Variants in CNTN5 observed in about 807,000 individuals in gnomAD.
CNTN5 encodes the protein contactin 5.
A neutral mutation model predicts 129.1 loss-of-function variants in CNTN5; 77 were observed. The ratio of observed to expected loss-of-function variants is 0.60; its 90% CI spans 0.50 to 0.72. CNTN5 has a LOEUF of 0.72. CNTN5 is among the 30% of genes least tolerant of loss of function. The pLI is 0.00. For synonymous variants in CNTN5, 509 were observed against 465.6 expected, an observed-to-expected ratio of 1.09 and a Z score of -1.20; for missense variants, 1,478 against 1,328.8, an observed-to-expected ratio of 1.11 and a Z score of -1.75.
chr11:99,894,248 G>A (rs970754340), intron 6 of CNTN5, among the ~76,000 whole-genome samples: 1 of 151,926 alleles, frequency 6.6e-6, no homozygotes, highest in Non-Finnish European at 1.5e-5. Context: ...TGTTTATGAT[G>A]CAAATGATCT....
chr11:99,114,388 C>A (rs1857942895), intron 1 of CNTN5, among the ~76,000 whole-genome samples: 1 of 151,674 alleles, frequency 6.6e-6, no homozygotes, highest in Admixed American at 6.6e-5. Flanking sequence ...GCTCAGAGGT[C>A]TTCTTCTTCT....
intron 1 of CNTN5, among the ~76,000 whole-genome samples, chr11:99,097,169 T>C (rs1258211369): frequency 6.6e-6 from 1 of 151,966 alleles, no homozygotes; most frequent in Non-Finnish European, 1.5e-5. Flanking sequence ...TATCCTTTTA[T>C]CCAAATGTCA....
At chr11:99,766,039 T>C (rs2135306102) in intron 3 of CNTN5, among the ~76,000 whole-genome samples, 1 of 152,166 alleles carries the variant, frequency 6.6e-6, no homozygotes, top group East Asian at 1.9e-4. Context: ...AGAACATGAA[T>C]ATTTTCTCTG....
intron 1 of CNTN5, among the ~76,000 whole-genome samples, chr11:99,105,222 A>C (rs1866939099): frequency 6.6e-6 from 1 of 152,064 alleles, no homozygotes; most frequent in Non-Finnish European, 1.5e-5. Flanking sequence ...GATAACTGAG[A>C]TAATTCTAGT....
chr11:99,701,897 T>C (rs1370373967), intron 3 of CNTN5, among the ~76,000 whole-genome samples: 3 of 151,028 alleles, frequency 2.0e-5, no homozygotes, highest in African/African-American at 7.3e-5. Context: ...GCTATTTTAC[T>C]CCTAATTTCT....
At chr11:100,289,337 G>T (rs1383983052) in intron 18 of CNTN5, among the ~76,000 whole-genome samples, 1 of 152,096 alleles carries the variant, frequency 6.6e-6, no homozygotes, top group Non-Finnish European at 1.5e-5. Context: ...TATCCTTGAT[G>T]AACATTGATA....
chr11:99,728,233 C>T (rs1056812086), intron 3 of CNTN5, among the ~76,000 whole-genome samples: 1 of 152,024 alleles, frequency 6.6e-6, no homozygotes, highest in Non-Finnish European at 1.5e-5. Flanking sequence ...ACAGAGAAGG[C>T]ATAGATATTG....
Position 99,941,565 on chromosome 11 carries a change from A to G in CNTN5, c.674-15241A>G, listed in dbSNP as rs192593666. 9.4e-5 allele frequency among the ~76,000 whole-genome samples: 6 copies of G among 63,946 alleles called. No homozygotes were observed. In the East Asian group the frequency reaches 2.3e-3, roughly 25 times the overall value. The allele number at this position is 63,946 out of a possible 152,430, so 42.0% of individuals were successfully genotyped here. A position where few individuals can be genotyped will look rare whatever the true frequency, so the allele number is the denominator to read the frequency against. ...AGATAAGTAATAGAGGTAAATACAT[A>G]AGACAAACACACACACACACAAAGA... On this transcript the variant is annotated intron_variant, in intron 7 of 24. Transcript: ENST00000524871.
At chr11:99,801,916 T>C (rs1276641466) in intron 3 of CNTN5, among the ~76,000 whole-genome samples, 4 of 152,218 alleles carry the variant, frequency 2.6e-5, no homozygotes, top group East Asian at 1.9e-4. Context: ...TTACCTGTCC[T>C]TGGCATGTGA....
chr11:99,772,004 A>C (rs1944963138), intron 3 of CNTN5, among the ~76,000 whole-genome samples: 1 of 151,854 alleles, frequency 6.6e-6, no homozygotes, highest in Admixed American at 6.6e-5. Context: ...AAATATGGGC[A>C]CTGAGGGAGT....
intron 1 of CNTN5, among the ~76,000 whole-genome samples, chr11:99,262,220 G>A (rs1490783105): frequency 6.6e-6 from 1 of 152,004 alleles, no homozygotes; most frequent in Non-Finnish European, 1.5e-5. Flanking sequence ...AGAGGCTTAA[G>A]CTGCAAGCCT....
chr11:99,203,595 G>A (rs767135356), intron 1 of CNTN5, among the ~76,000 whole-genome samples: 1 of 151,104 alleles, frequency 6.6e-6, no homozygotes, highest in Admixed American at 6.6e-5. Context: ...TTTTTTGGGT[G>A]GGGGGTGGTG....
At chr11:99,984,642 G>T (rs1044394249) in intron 8 of CNTN5, among the ~76,000 whole-genome samples, 1 of 152,064 alleles carries the variant, frequency 6.6e-6, no homozygotes, top group South Asian at 2.1e-4. Flanking sequence ...CTGAATTTTA[G>T]TATGCATATG....
chr11:99,084,741 A>G (rs1293080436), intron 1 of CNTN5, among the ~76,000 whole-genome samples: 1 of 152,192 alleles, frequency 6.6e-6, no homozygotes, highest in Non-Finnish European at 1.5e-5. Context: ...AGTGTGGGAA[A>G]AAAAGTGCTC....
At chr11:99,074,816 CAAAAAG>C (rs774092442) in intron 1 of CNTN5, among the ~76,000 whole-genome samples, 4 of 151,360 alleles carry the variant, frequency 2.6e-5, no homozygotes, top group Admixed American at 1.3e-4. Context: ...TCAGTAGATT[CAAAAAG>C]AAAAAGAAAA....
At chr11:99,323,143 C>T (rs1865638095) in intron 1 of CNTN5, among the ~76,000 whole-genome samples, 1 of 152,060 alleles carries the variant, frequency 6.6e-6, no homozygotes, top group African/African-American at 2.4e-5. Context: ...ATTTTCTCAT[C>T]TATTATTTCT....
rs1267843732 is a variant in CNTN5 at position 99,556,185 on chromosome 11, T to C, written c.-30T>C. 4.2e-6 allele frequency: 6 copies of C among 1,423,296 alleles called. No homozygotes were observed. Among genetic ancestry groups the C allele is most frequent in the Non-Finnish European group, 5.7e-6 (6 of 1,050,250 alleles). The allele number at this position is 1,423,296 out of a possible 1,614,324, so 88.2% of individuals were successfully genotyped here. A position where few individuals can be genotyped will look rare whatever the true frequency, so the allele number is the denominator to read the frequency against. On this transcript the variant is annotated 5_prime_UTR_variant, in exon 3 of 25. Coordinates refer to ENST00000524871, the MANE Select transcript of CNTN5 (RefSeq NM_014361.4). ...AGAAACACCAGAGCTGTTAAACACA[T>C]TGAGACACAGAAGATTCTAGTGACT...
At chr11:99,501,686 C>T (rs1395745979) in intron 2 of CNTN5, among the ~76,000 whole-genome samples, 1 of 152,176 alleles carries the variant, frequency 6.6e-6, no homozygotes, top group Non-Finnish European at 1.5e-5. Flanking sequence ...TTCAATTACC[C>T]ACTCAGCAAA....
intron 6 of CNTN5, among the ~76,000 whole-genome samples, chr11:99,905,227 C>A (rs975818303): frequency 6.6e-6 from 1 of 151,936 alleles, no homozygotes; most frequent in Non-Finnish European, 1.5e-5. Flanking sequence ...GCCTATGTCC[C>A]GAATGGTATT....
Sources: gnomAD v4.1 joint callset for allele counts (sites outside exome capture counted in the v4.1 genomes callset) on GRCh38, gnomAD v4.1.1 for gene constraint, MANE v1.5 for transcripts, NCBI Gene and HGNC (gene_info 2026-07-23, HGNC 2026-07-21) for gene names.